The following PIBF1 variants were observed in gnomAD, a reference collection of about 807,000 sequenced individuals.
PIBF1 encodes progesterone immunomodulatory binding factor 1.
In PIBF1, 90 loss-of-function variants were observed where a neutral mutation model predicts 112.5. The ratio of observed to expected loss-of-function variants is 0.80; its 90% CI spans 0.67 to 0.95. The LOEUF is 0.95. PIBF1 is among the 40% of genes least tolerant of loss of function. The probability of loss-of-function intolerance (pLI) is 0.00; values close to 1 mark genes in which losing one functional copy is unlikely to be tolerated. For missense variants in PIBF1, 915 were observed against 852.3 expected (o/e 1.07, Z -0.92); for synonymous variants, 301 against 288.6 (o/e 1.04, Z -0.44).
intron 10 of PIBF1, chr13:72,884,594 A>G (rs1269782584): frequency 2.6e-5 from 4 of 152,164 alleles, no homozygotes; most frequent in Non-Finnish European, 5.9e-5. Flanking sequence ...ATTAATACTG[A>G]GTTGCTTTGA....
At chr13:72,865,880 A>G (rs1012281653) in intron 10 of PIBF1, among the ~76,000 whole-genome samples, 1 of 152,206 alleles carries the variant, frequency 6.6e-6, no homozygotes, top group African/African-American at 2.4e-5. Flanking sequence ...CACAATTTAA[A>G]ACTATACTGT....
At chr13:72,900,416 T>C (rs2040440575) in intron 11 of PIBF1, among the ~76,000 whole-genome samples, 1 of 152,092 alleles carries the variant, frequency 6.6e-6, no homozygotes. Flanking sequence ...CATAGACCAA[T>C]GGAACAGAAT....
At chr13:72,870,916 A>G (rs115516906) in intron 10 of PIBF1, among the ~76,000 whole-genome samples, 327 of 151,874 alleles carry the variant, frequency 2.2e-3, no homozygotes, top group African/African-American at 7.5e-3. Context: ...ATTTTTTGGT[A>G]GAATGTCAGA....
intron 14 of PIBF1, among the ~76,000 whole-genome samples, chr13:72,956,896 A>G (rs1352778102): frequency 2.0e-5 from 3 of 152,252 alleles, no homozygotes; most frequent in Admixed American, 6.5e-5. Context: ...TACAAATGGC[A>G]AACAAACATG....
At chr13:72,984,995 T>G (rs1295737224) in intron 16 of PIBF1, among the ~76,000 whole-genome samples, 2 of 152,294 alleles carry the variant, frequency 1.3e-5, no homozygotes, top group African/African-American at 4.8e-5. Context: ...CCACTGCATT[T>G]TAGAAGCTTG....
intron 9 of PIBF1, among the ~76,000 whole-genome samples, chr13:72,846,242 C>G (rs2037874038): frequency 6.6e-6 from 1 of 152,156 alleles, no homozygotes; most frequent in Non-Finnish European, 1.5e-5. Flanking sequence ...AAAGACAACT[C>G]TATTCTTCCA....
chr13:72,796,139 C>T (rs1481409458), intron 4 of PIBF1, among the ~76,000 whole-genome samples: 1 of 152,094 alleles, frequency 6.6e-6, no homozygotes, highest in African/African-American at 2.4e-5. Flanking sequence ...CTTTTTTAAA[C>T]ACAAGAATAA....
chr13:72,796,554 T>C (rs1183081685), intron 4 of PIBF1, among the ~76,000 whole-genome samples: 2 of 152,108 alleles, frequency 1.3e-5, no homozygotes, highest in East Asian at 3.9e-4. Context: ...TCTATTGTTT[T>C]TGCTGGAGTG....
Position 73,015,855 on chromosome 13 carries a change from C to T in PIBF1, c.2224-14C>T, listed in dbSNP as rs1223198320. 1.3e-6 allele frequency: 2 copies of T among 1,519,216 alleles called. No individual in the cohort carries two copies. Among genetic ancestry groups the T allele is most frequent in the East Asian group, 2.3e-5 (1 of 43,012 alleles). The allele number at this position is 1,519,216 out of a possible 1,614,324, so 94.1% of individuals were successfully genotyped here. A position where few individuals can be genotyped will look rare whatever the true frequency, so the allele number is the denominator to read the frequency against. On this transcript the variant is annotated splice_polypyrimidine_tract_variant and intron_variant, in intron 17 of 17. Transcript: ENST00000326291. ...AAGCATTTTATTGGATTTTCTTTTT[C>T]TTTTTTTAAACAGACTAAAAAAGAA...
intron 8 of PIBF1, among the ~76,000 whole-genome samples, chr13:72,835,010 A>G (rs989990328): frequency 2.6e-5 from 4 of 152,208 alleles, no homozygotes; most frequent in African/African-American, 9.6e-5. Flanking sequence ...AAGATTTTAT[A>G]TAGTAATTAA....
At chr13:72,894,650 A>G (rs1039627415) in intron 11 of PIBF1, among the ~76,000 whole-genome samples, 3 of 151,300 alleles carry the variant, frequency 2.0e-5, no homozygotes, top group Admixed American at 2.0e-4. Context: ...TGTGATAATC[A>G]TTTGAATATT....
At chr13:72,997,656 A>G (rs1393236000) in intron 16 of PIBF1, among the ~76,000 whole-genome samples, 1 of 152,206 alleles carries the variant, frequency 6.6e-6, no homozygotes, top group Non-Finnish European at 1.5e-5. Flanking sequence ...TGTGACACAG[A>G]GCTGGTGTCT....
intron 10 of PIBF1, among the ~76,000 whole-genome samples, chr13:72,889,828 C>T (rs2039991075): frequency 6.6e-6 from 1 of 152,126 alleles, no homozygotes; most frequent in African/African-American, 2.4e-5. Flanking sequence ...AGTTTTAGTA[C>T]TTTTTAGGTA....
At chr13:72,870,416 A>G (rs1437802322) in intron 10 of PIBF1, among the ~76,000 whole-genome samples, 3 of 152,180 alleles carry the variant, frequency 2.0e-5, no homozygotes, top group Non-Finnish European at 4.4e-5. Context: ...ATCTGGAGAA[A>G]AATATGTACG....
chr13:73,002,364 A>G lies in PIBF1; in HGVS notation c.2223+3369A>G, dbSNP rs146873698. Among the ~76,000 whole-genome samples, 371 of 152,272 alleles carry G rather than the reference A, an allele frequency of 2.4e-3. 2 individuals carry two copies. The highest frequency in any genetic ancestry group is 0.01 in the Middle Eastern group (3 of 294). On this transcript the variant is annotated intron_variant, in intron 17 of 17. Transcript: ENST00000326291. ...GCAACAGGCAACTTAAGTCTTCTTT[A>G]TTCAGAAACACCCAGTTCATTCCCA...
At chr13:72,904,429 A>ATTTTTTTTTTTTTTTTT (rs1240090172) in intron 11 of PIBF1, among the ~76,000 whole-genome samples, 16 of 51,088 alleles carry the variant, frequency 3.1e-4, no homozygotes, top group South Asian at 7.3e-4. Flanking sequence ...ATATCAAAAT[A>ATTTTTTTTTTTTTTTTT]TTTCTTTTTT....
chr13:72,973,577 G>GTTTT lies in PIBF1; in HGVS notation c.1965-7_1965-4dup. The GTTTT allele has an allele frequency of 8.3e-7, 1 of 1,208,430 alleles. No homozygotes were observed. Among genetic ancestry groups the GTTTT allele is most frequent in the Non-Finnish European group, 1.1e-6 (1 of 871,722 alleles). The allele number at this position is 1,208,430 out of a possible 1,614,324, so 74.9% of individuals were successfully genotyped here. A position where few individuals can be genotyped will look rare whatever the true frequency, so the allele number is the denominator to read the frequency against. Reference sequence around the variant, plus strand: ...AACATAATGACTTTTTAAAACTGGGGTTTTTTTTTTCAGCAACTTAAATAA... The same window carrying GTTTT: ...AACATAATGACTTTTTAAAACTGGGGTTTTTTTTTTTTTTCAGCAACTTAAATAA... On this transcript the variant is annotated splice_polypyrimidine_tract_variant and intron_variant, in intron 15 of 17. Transcript: ENST00000326291.
chr13:72,879,142 C>A (rs1373753620), intron 10 of PIBF1, among the ~76,000 whole-genome samples: 1 of 152,036 alleles, frequency 6.6e-6, no homozygotes, highest in African/African-American at 2.4e-5. Flanking sequence ...TTACTGTTTT[C>A]TATTTTTTCC....
chr13:72,966,460 C>T, intron 15 of PIBF1, among the ~76,000 whole-genome samples: 1 of 152,152 alleles, frequency 6.6e-6, no homozygotes, highest in African/African-American at 2.4e-5. Context: ...TGTATACAAC[C>T]TACAATAATA....
Sources: gnomAD v4.1 joint callset for allele counts (sites outside exome capture counted in the v4.1 genomes callset) on GRCh38, gnomAD v4.1.1 for gene constraint, MANE v1.5 for transcripts, NCBI Gene and HGNC (gene_info 2026-07-23, HGNC 2026-07-21) for gene names.